FAT4: variants seen among roughly 807,000 people sequenced by gnomAD.
FAT4 encodes protocadherin Fat 4.
Under a neutral mutation model 303.9 loss-of-function variants are expected in FAT4, and 84 were observed. That is an observed-to-expected ratio of 0.28 (90% CI 0.23 to 0.33). The LOEUF is 0.33. Among genes scored for constraint, FAT4 ranks in the 10% least tolerant of loss-of-function variants. The probability of loss-of-function intolerance (pLI) is 1.00; values close to 1 mark genes in which losing one functional copy is unlikely to be tolerated. For missense variants in FAT4, 6,005 were observed against 6,146.8 expected (o/e 0.98, Z 0.77); for synonymous variants, 2,307 against 2,298.8 (o/e 1.00, Z -0.10).
intron 15 of FAT4, 29 bp from the exon 16 acceptor site, chr4:125,481,492 C>A (rs2126087083): frequency 6.3e-7 from 1 of 1,599,106 alleles, no homozygotes; most frequent in Non-Finnish European, 8.6e-7. Flanking sequence ...TGAATGCATT[C>A]ATTTTCCCTT....
intron 12 of FAT4, among the ~76,000 whole-genome samples, chr4:125,475,131 C>T (rs1439978294): frequency 6.6e-6 from 1 of 152,030 alleles, no homozygotes; most frequent in Non-Finnish European, 1.5e-5. Flanking sequence ...TGAATTATTG[C>T]TATTCCTGTG....
chr4:125,401,295 G>A (rs906266685), intron 3 of FAT4, among the ~76,000 whole-genome samples: 1 of 152,010 alleles, frequency 6.6e-6, no homozygotes, highest in African/African-American at 2.4e-5. Context: ...TTTTCTTTTT[G>A]TTGTTGTTTT....
intron 7 of FAT4, among the ~76,000 whole-genome samples, chr4:125,422,720 G>A (rs1275626376): frequency 1.3e-5 from 2 of 152,170 alleles, no homozygotes; most frequent in African/African-American, 2.4e-5. Context: ...TGATATCAGA[G>A]AGAGTAGGGC....
In FAT4 at chr4:125,491,111, T is replaced by C. The variant is rs745379615; in HGVS notation, c.14295T>C (p.Gly4765=). The change falls in exon 18 of 18, where the codon GGT becomes GGC. Residue 4765 remains glycine (G), a synonymous_variant. Coordinates refer to ENST00000394329, the MANE Select transcript of FAT4 (RefSeq NM_001291303.3). ...GTCCTCAGGCCATGGCATCACATGG[T>C]TCTAGACCAGGGAGTCGCCTAAAGC... The part of the protein sequence containing the change: ...SKSPQAMASH[G]SRPGSRLKQP... 2 of 1,614,072 alleles carry C rather than the reference T, an allele frequency of 1.2e-6. No homozygotes were observed. The highest frequency in any genetic ancestry group is 2.2e-5 in the East Asian group (1 of 44,850).
intron 2 of FAT4, among the ~76,000 whole-genome samples, chr4:125,397,869 A>T (rs911689685): frequency 1.3e-5 from 2 of 152,244 alleles, no homozygotes; most frequent in South Asian, 4.1e-4. Flanking sequence ...AAAAGATGAC[A>T]TTTTATCCTA....
At chr4:125,390,507 A>G (rs941625084) in intron 2 of FAT4, among the ~76,000 whole-genome samples, 1 of 152,228 alleles carries the variant, frequency 6.6e-6, no homozygotes, top group Non-Finnish European at 1.5e-5. Flanking sequence ...TTCCATACAG[A>G]AAAGTAAATG....
At chr4:125,389,929 T>C (rs1229546335) in intron 2 of FAT4, among the ~76,000 whole-genome samples, 4 of 152,180 alleles carry the variant, frequency 2.6e-5, no homozygotes, top group Non-Finnish European at 5.9e-5. Flanking sequence ...AACTGAAATA[T>C]GAGTCACTTG....
intron 9 of FAT4, 105 bp downstream of exon 9, chr4:125,446,648 T>C: frequency 8.4e-7 from 1 of 1,189,918 alleles, no homozygotes. Context: ...TGATATAGCC[T>C]AATTTTGCAA....
At chr4:125,385,015 TA>T (rs1451260723) in intron 2 of FAT4, among the ~76,000 whole-genome samples, 756 of 62,204 alleles carry the variant, frequency 0.012, 6 homozygotes, top group African/African-American at 0.034. Flanking sequence ...TATATATATA[TA>T]TATATATATT....
At chr4:125,372,860 A>T (rs1003216538) in intron 2 of FAT4, among the ~76,000 whole-genome samples, 11 of 152,210 alleles carry the variant, frequency 7.2e-5, no homozygotes, top group African/African-American at 2.7e-4. Context: ...GATCAATATC[A>T]TATGCAATAG....
At chr4:125,415,837 C>G (rs988821315) in intron 6 of FAT4, 31 bp downstream of exon 6, 1 of 1,500,170 alleles carries the variant, frequency 6.7e-7, no homozygotes, top group Admixed American at 1.9e-5. Flanking sequence ...CAAGTATTGT[C>G]TTAATTATAA....
chr4:125,338,516 T>C (rs1335471660), intron 2 of FAT4, among the ~76,000 whole-genome samples: 1 of 152,220 alleles, frequency 6.6e-6, no homozygotes, highest in Admixed American at 6.5e-5. Flanking sequence ...ATTTCAAATA[T>C]GCATGGTTCA....
intron 2 of FAT4, 58 bp from the exon 3 acceptor site, chr4:125,398,726 A>C (rs1734272523): frequency 1.9e-6 from 3 of 1,552,008 alleles, no homozygotes; most frequent in Non-Finnish European, 2.6e-6. Context: ...AGTCATTTTA[A>C]TTGGTATCTT....
At chr4:125,371,009 C>G (rs961690797) in intron 2 of FAT4, among the ~76,000 whole-genome samples, 17 of 151,702 alleles carry the variant, frequency 1.1e-4, no homozygotes, top group African/African-American at 3.6e-4. Flanking sequence ...TTAGCCAGGC[C>G]TGGTGGTGCA....
chr4:125,394,529 T>C (rs983683863), intron 2 of FAT4, among the ~76,000 whole-genome samples: 23 of 152,190 alleles, frequency 1.5e-4, no homozygotes, highest in Admixed American at 9.2e-4. Context: ...GCTAAACCAC[T>C]AATAACAACT....
At chr4:125,396,926 GTATATATATATATA>G (rs66744105) in intron 2 of FAT4, among the ~76,000 whole-genome samples, 25,731 of 143,684 alleles carry the variant, frequency 0.18, 2,477 homozygotes, top group Middle Eastern at 0.25. Flanking sequence ...ATGTGTGTGT[GTATATATATATATA>G]TATATATATA....
At position 125,416,553 on chromosome 4, in the gene FAT4, G is replaced by A; in HGVS notation, c.6949G>A (p.Gly2317Arg). 1 of 1,613,956 alleles carries A rather than the reference G, an allele frequency of 6.2e-7. No homozygotes were observed. The highest frequency in any genetic ancestry group is 8.5e-7 in the Non-Finnish European group (1 of 1,179,882). ...AFTLSASGEL[G>R]VTQSLDRETK... ...TACTCTCTCAGCCAGTGGAGAACTT[G>A]GAGTAACACAGAGTCTGGATCGGGA... Residue 2317 changes from glycine (G) to arginine (R), a missense_variant, in exon 7 of 18, where the codon GGA becomes AGA. Physicochemically the swap from Gly to Arg is moderately radical, Grantham distance 125 (BLOSUM62 -2). Transcript: ENST00000394329.
At chr4:125,459,070 T>C (rs566687090) in intron 10 of FAT4, among the ~76,000 whole-genome samples, 8 of 152,102 alleles carry the variant, frequency 5.3e-5, no homozygotes, top group Non-Finnish European at 8.8e-5. Flanking sequence ...AAATGGATTT[T>C]TAGAGTTGCA....
chr4:125,484,364 T>G (rs1037013393), intron 16 of FAT4, among the ~76,000 whole-genome samples: 1 of 152,206 alleles, frequency 6.6e-6, no homozygotes, highest in Non-Finnish European at 1.5e-5. Context: ...CAAATCTCTC[T>G]TCATTCATGG....
Sources: allele counts gnomAD v4.1 joint callset (sites outside exome capture counted in the v4.1 genomes callset), GRCh38; gene constraint gnomAD v4.1.1; transcripts MANE v1.5; gene names NCBI Gene and HGNC (gene_info 2026-07-23, HGNC 2026-07-21).